SCN11A: variants seen among roughly 807,000 people sequenced by gnomAD.
SCN11A encodes sodium voltage-gated channel alpha subunit 11, also known as sodium channel protein type 11 subunit alpha.
SCN11A carries 122 observed loss-of-function variants against 162.2 expected under a neutral mutation model. The ratio of observed to expected loss-of-function variants is 0.75; its 90% CI spans 0.65 to 0.87. SCN11A has a LOEUF of 0.87. SCN11A is among the 40% of genes least tolerant of loss of function. The pLI, the probability that SCN11A is intolerant of heterozygous loss-of-function variation, is 0.00. For missense variants in SCN11A, 2,015 were observed against 2,181.6 expected (o/e 0.92, Z 1.52); for synonymous variants, 758 against 751.5 (o/e 1.01, Z -0.14).
In SCN11A at chr3:38,945,418, T is replaced by C. The variant is rs1398192783; in HGVS notation, c.481A>G (p.Ile161Val). The C allele has an allele frequency of 4.0e-5, 64 of 1,605,362 alleles. No homozygotes were observed. Among genetic ancestry groups the C allele is most frequent in the Middle Eastern group, 3.3e-4 (2 of 6,076 alleles). ...TGAAGGAAAAATACTTACTCTGCAATGTCAGTATTGTTACTGTTGCTGTTT... is the reference window on the plus strand; with the variant it reads ...TGAAGGAAAAATACTTACTCTGCAACGTCAGTATTGTTACTGTTGCTGTTT... Reference protein sequence around the residue: ...AKNSNSNNTDIAECVFTGIYI... With the variant: ...AKNSNSNNTDVAECVFTGIYI... Residue 161 changes from isoleucine (I) to valine (V), a missense_variant, in exon 7 of 30, where the codon ATT becomes GTT. Coordinates refer to ENST00000302328, the MANE Select transcript of SCN11A (RefSeq NM_001349253.2).
chr3:39,015,759 CAG>C (rs1185913844), intron 2 of SCN11A, among the ~76,000 whole-genome samples: 1 of 152,140 alleles, frequency 6.6e-6, no homozygotes, highest in Non-Finnish European at 1.5e-5. Context: ...TTTTTTGAGA[CAG>C]AGTCTTGCTC....
chr3:38,987,296 C>A (rs1190778878), intron 2 of SCN11A, among the ~76,000 whole-genome samples: 221 of 117,192 alleles, frequency 1.9e-3, no homozygotes, highest in Non-Finnish European at 1.9e-3. Flanking sequence ...CTCTCTCTCT[C>A]TCTCTCTCAC....
intron 1 of SCN11A, among the ~76,000 whole-genome samples, chr3:39,036,112 C>T (rs2031898971): frequency 6.6e-6 from 1 of 152,122 alleles, no homozygotes; most frequent in Non-Finnish European, 1.5e-5. Context: ...TTAAGCAATC[C>T]TCCTGCGTCA....
chr3:38,985,431 G>A (rs2125592001), intron 2 of SCN11A, among the ~76,000 whole-genome samples: 1 of 150,838 alleles, frequency 6.6e-6, no homozygotes, highest in Non-Finnish European at 1.5e-5. Context: ...CACCCGGCCT[G>A]CTGGCTGTCT....
chr3:38,914,969 T>C (rs2065939074), intron 11 of SCN11A, among the ~76,000 whole-genome samples: 2 of 152,306 alleles, frequency 1.3e-5, no homozygotes, highest in Non-Finnish European at 1.5e-5. Context: ...GGTTTTGGTA[T>C]CAGGACGATG....
intron 1 of SCN11A, among the ~76,000 whole-genome samples, chr3:39,033,673 G>A (rs1329573022): frequency 2.6e-5 from 4 of 152,160 alleles, no homozygotes; most frequent in African/African-American, 9.7e-5. Flanking sequence ...CAGGGAATCT[G>A]AGAGATTATA....
chr3:39,034,145 G>C (rs57082982), intron 1 of SCN11A, among the ~76,000 whole-genome samples: 12,547 of 150,130 alleles, frequency 0.084, 735 homozygotes, highest in African/African-American at 0.17. Context: ...CTGGACAACA[G>C]AGTGAGACTC....
chr3:38,956,057 C>T (rs1253486979), intron 3 of SCN11A, among the ~76,000 whole-genome samples: 1 of 152,024 alleles, frequency 6.6e-6, no homozygotes, highest in Non-Finnish European at 1.5e-5. Flanking sequence ...CCACCCTGGC[C>T]AACATGGTGA....
At chr3:38,899,592 A>G in intron 17 of SCN11A, among the ~76,000 whole-genome samples, 1 of 152,040 alleles carries the variant, frequency 6.6e-6, no homozygotes, top group South Asian at 2.1e-4. Flanking sequence ...AGAGTGTCGG[A>G]AGGGTTGTGC....
At chr3:38,959,970 A>G (rs1332531520) in intron 3 of SCN11A, among the ~76,000 whole-genome samples, 4 of 152,142 alleles carry the variant, frequency 2.6e-5, no homozygotes, top group Non-Finnish European at 4.4e-5. Flanking sequence ...ACAAGATTTG[A>G]GATGACCTTT....
At chr3:38,997,319 G>T (rs1228275769) in intron 2 of SCN11A, among the ~76,000 whole-genome samples, 1 of 152,108 alleles carries the variant, frequency 6.6e-6, no homozygotes, top group African/African-American at 2.4e-5. Context: ...TCTCCTCTTA[G>T]GGTTCTGGCC....
chr3:38,927,578 A>C (rs2125554861), intron 7 of SCN11A, among the ~76,000 whole-genome samples: 1 of 152,364 alleles, frequency 6.6e-6, no homozygotes, highest in African/African-American at 2.4e-5. Context: ...TACAGTAATC[A>C]AAATAGGGTA....
intron 1 of SCN11A, among the ~76,000 whole-genome samples, chr3:39,034,178 A>T (rs2031840925): frequency 6.6e-6 from 1 of 152,112 alleles, no homozygotes; most frequent in Admixed American, 6.5e-5. Context: ...AAAACAAAAC[A>T]AACAAAAAAA....
intron 11 of SCN11A, among the ~76,000 whole-genome samples, chr3:38,915,696 T>G (rs1310970242): frequency 6.6e-6 from 1 of 151,974 alleles, no homozygotes; most frequent in Non-Finnish European, 1.5e-5. Context: ...TCTTTTGCAT[T>G]TGCTGAAGCT....
Position 38,846,436 on chromosome 3 carries a change from G to C in SCN11A, c.*258C>G. ...CTGAACTATTTCAATCCTAAAATTGGTATGTCCTTTTACAGTCCTTCCTGG... is the reference window on the plus strand; with the variant it reads ...CTGAACTATTTCAATCCTAAAATTGCTATGTCCTTTTACAGTCCTTCCTGG... On this transcript the variant is annotated 3_prime_UTR_variant, in exon 30 of 30. Coordinates refer to ENST00000302328, the MANE Select transcript of SCN11A (RefSeq NM_001349253.2). 1 of 448,452 alleles carries C rather than the reference G, an allele frequency of 2.2e-6. No individual in the cohort carries two copies. Among genetic ancestry groups the C allele is most frequent in the African/African-American group, 1.9e-5 (1 of 51,440 alleles). 27.8% of individuals were successfully genotyped at this position (448,452 alleles called of 1,614,324 possible).
In SCN11A at chr3:38,917,031, C is replaced by T. The variant is rs148196244; in HGVS notation, c.959+2904G>A. ...ACCTAGACTGAGAGAGATGTGCTGG[C>T]ACATAAACTTAGAGACAAGAGCCCT... On this transcript the variant is annotated intron_variant, in intron 11 of 29. Transcript: ENST00000302328. Among the ~76,000 whole-genome samples, 708 of 152,230 alleles carry T rather than the reference C, an allele frequency of 4.7e-3. 5 individuals are homozygous for T. Among genetic ancestry groups the T allele is most frequent in the African/African-American group, 0.017 (693 of 41,536 alleles).
intron 1 of SCN11A, among the ~76,000 whole-genome samples, chr3:39,041,423 C>A (rs1364346729): frequency 1.3e-5 from 2 of 152,100 alleles, no homozygotes; most frequent in Non-Finnish European, 2.9e-5. Flanking sequence ...TGTCAAAAGT[C>A]AAAGACAAAG....
chr3:38,945,289 T>C (rs2066498979), intron 7 of SCN11A, 122 bp downstream of exon 7: 2 of 618,430 alleles, frequency 3.2e-6, no homozygotes, highest in Admixed American at 2.9e-5. Context: ...ATAAAACTGA[T>C]TCTGCCAACA....
In SCN11A at chr3:38,847,641, C is replaced by G. The variant is rs562760042; in HGVS notation, c.4429G>C (p.Val1477Leu). 6.2e-7 allele frequency: 1 copy of G among 1,614,080 alleles called. No homozygotes were observed. Among genetic ancestry groups the G allele is most frequent in the East Asian group, 2.2e-5 (1 of 44,872 alleles). The change falls in exon 30 of 30, where the codon GTC (valine) becomes CTC (leucine). Residue 1477 changes from valine (V) to leucine (L), a missense_variant. Transcript: ENST00000302328. Reference sequence around the variant, plus strand: ...GTCCTGATTCCTCGTGCAGCCCGGACAAGCCTCAGGATTCGGCCAATCCGA... The same window carrying G: ...GTCCTGATTCCTCGTGCAGCCCGGAGAAGCCTCAGGATTCGGCCAATCCGA... ...LARIGRILRL[V>L]RAARGIRTLL...
Sources: allele counts gnomAD v4.1 joint callset (sites outside exome capture counted in the v4.1 genomes callset), GRCh38; gene constraint gnomAD v4.1.1; transcripts MANE v1.5; gene names NCBI Gene and HGNC (gene_info 2026-07-23, HGNC 2026-07-21).